TECRL: variants seen among roughly 807,000 people sequenced by gnomAD.
TECRL encodes the protein trans-2,3-enoyl-CoA reductase like.
A neutral mutation model predicts 52.8 loss-of-function variants in TECRL; 63 were observed. That is an observed-to-expected ratio of 1.19 (90% CI 0.97 to 1.47). TECRL has a LOEUF of 1.47. Among genes scored for constraint, TECRL ranks in the 40% most tolerant of loss-of-function variants. TECRL has a pLI of 0.00. For missense variants in TECRL, 482 were observed against 429.6 expected (o/e 1.12, Z -1.08); for synonymous variants, 164 against 141.9 (o/e 1.16, Z -1.10).
At chr4:64,311,067 C>A (rs1716961237) in intron 5 of TECRL, among the ~76,000 whole-genome samples, 2 of 152,134 alleles carry the variant, frequency 1.3e-5, no homozygotes, top group Admixed American at 6.6e-5. Context: ...ATCAGCATAT[C>A]ATTTACTCTA....
At position 64,392,380 on chromosome 4, in the gene TECRL, T is replaced by C. The variant is rs961942967; in HGVS notation, c.234+16738A>G. On this transcript the variant is annotated intron_variant, in intron 1 of 11. Transcript: ENST00000381210. ...ACCAACTATTTAGTCCAATCTCCTTTACATTTTCGAGATACACACAGCATA... is the reference window on the plus strand; with the variant it reads ...ACCAACTATTTAGTCCAATCTCCTTCACATTTTCGAGATACACACAGCATA... Among the ~76,000 whole-genome samples, 18 of 151,886 alleles carry C rather than the reference T, an allele frequency of 1.2e-4. 1 individual carries two copies. Among genetic ancestry groups the C allele is most frequent in the Admixed American group, 1.2e-3 (18 of 15,212 alleles).
At chr4:64,299,930 C>A (rs760209648) in intron 8 of TECRL, 44 bp downstream of exon 8, 3 of 1,298,956 alleles carry the variant, frequency 2.3e-6, no homozygotes, top group African/African-American at 3.0e-5. Flanking sequence ...CTTAATAATA[C>A]CAAAATTAGA....
intron 1 of TECRL, among the ~76,000 whole-genome samples, chr4:64,396,257 C>T (rs1277630146): frequency 2.0e-5 from 3 of 152,140 alleles, no homozygotes; most frequent in Non-Finnish European, 2.9e-5. Context: ...CTGCTTTCCT[C>T]AATGATTGAA....
At chr4:64,307,630 G>A (rs974109820) in intron 6 of TECRL, among the ~76,000 whole-genome samples, 4 of 152,046 alleles carry the variant, frequency 2.6e-5, no homozygotes, top group Admixed American at 2.6e-4. Flanking sequence ...GAACAACCTG[G>A]ATCACTGGGA....
intron 1 of TECRL, among the ~76,000 whole-genome samples, chr4:64,376,537 T>A (rs1394161341): frequency 6.6e-6 from 1 of 151,956 alleles, no homozygotes; most frequent in African/African-American, 2.4e-5. Flanking sequence ...ATTTAATTTT[T>A]AAAATATTGT....
intron 1 of TECRL, 54 bp downstream of exon 1, chr4:64,409,064 G>T: frequency 1.4e-6 from 2 of 1,382,990 alleles, no homozygotes; most frequent in East Asian, 2.5e-5. Flanking sequence ...TAATATTTGG[G>T]GCAGAGAAGA....
intron 9 of TECRL, among the ~76,000 whole-genome samples, chr4:64,285,919 G>T (rs991086918): frequency 6.6e-6 from 1 of 152,050 alleles, no homozygotes; most frequent in African/African-American, 2.4e-5. Context: ...AAGGATGTTA[G>T]AGGATGAGAA....
intron 8 of TECRL, among the ~76,000 whole-genome samples, chr4:64,296,519 A>C (rs1723691041): frequency 6.6e-6 from 1 of 151,808 alleles, no homozygotes; most frequent in African/African-American, 2.4e-5. Context: ...CATATCTTAT[A>C]TGCTATTATC....
intron 2 of TECRL, among the ~76,000 whole-genome samples, chr4:64,334,711 A>G (rs1226823087): frequency 6.6e-6 from 1 of 152,254 alleles, no homozygotes; most frequent in Non-Finnish European, 1.5e-5. Flanking sequence ...TTAAAGCTGC[A>G]CAAAATCTCT....
At chr4:64,295,527 A>G (rs1236672112) in intron 8 of TECRL, among the ~76,000 whole-genome samples, 1 of 151,486 alleles carries the variant, frequency 6.6e-6, no homozygotes, top group East Asian at 1.9e-4. Flanking sequence ...CTCATGCAAT[A>G]TTGTATAACA....
intron 2 of TECRL, among the ~76,000 whole-genome samples, chr4:64,374,064 T>TAGTAGATAC (rs1235860176): frequency 1.0e-3 from 142 of 135,882 alleles, no homozygotes; most frequent in Admixed American, 2.4e-3. Flanking sequence ...TATATATATA[T>TAGTAGATAC]ATATATATAT....
chr4:64,390,987 T>G (rs1399986972), intron 1 of TECRL, among the ~76,000 whole-genome samples: 3 of 151,856 alleles, frequency 2.0e-5, no homozygotes, highest in Admixed American at 2.0e-4. Context: ...CTACAATTAT[T>G]TCTGCATCAT....
chr4:64,285,599 T>G (rs1723039836), intron 9 of TECRL, among the ~76,000 whole-genome samples: 1 of 152,082 alleles, frequency 6.6e-6, no homozygotes, highest in African/African-American at 2.4e-5. Flanking sequence ...ACACAGGAAC[T>G]GATAAAGATT....
intron 1 of TECRL, among the ~76,000 whole-genome samples, chr4:64,401,544 T>C (rs1268070046): frequency 6.6e-6 from 1 of 152,222 alleles, no homozygotes; most frequent in Non-Finnish European, 1.5e-5. Context: ...CTTCTCAGTA[T>C]AATTTGTGTT....
chr4:64,330,917 T>C (rs1306814939), intron 2 of TECRL, among the ~76,000 whole-genome samples: 1 of 152,080 alleles, frequency 6.6e-6, no homozygotes, highest in Non-Finnish European at 1.5e-5. Flanking sequence ...GACACGCATA[T>C]AACTATTATT....
intron 1 of TECRL, among the ~76,000 whole-genome samples, chr4:64,394,842 T>C (rs1723807242): frequency 6.7e-6 from 1 of 148,300 alleles, no homozygotes; most frequent in Non-Finnish European, 1.5e-5. Context: ...CTTTAAAAGA[T>C]AAAAAAATTG....
At chr4:64,320,119 CTT>C (rs1319490269) in intron 4 of TECRL, among the ~76,000 whole-genome samples, 2 of 151,652 alleles carry the variant, frequency 1.3e-5, no homozygotes, top group African/African-American at 2.4e-5. Context: ...AACTGCATAA[CTT>C]TAATTAATTA....
At chr4:64,369,727 G>T (rs1577949038) in intron 2 of TECRL, among the ~76,000 whole-genome samples, 1 of 151,732 alleles carries the variant, frequency 6.6e-6, no homozygotes, top group South Asian at 2.1e-4. Context: ...AATTATAATT[G>T]TACCTAAATG....
At position 64,346,314 on chromosome 4, in the gene TECRL, G is replaced by A. The variant is rs565698373; in HGVS notation, c.287-17758C>T. 9.8e-5 allele frequency among the ~76,000 whole-genome samples: 15 copies of A among 152,328 alleles called. No homozygotes were observed. In the South Asian group the frequency reaches 2.5e-3, roughly 25 times the overall value. ...CAGCCCCACTAGGCAGTGCCCCAGTGAGTACTTTGTGTGGTGGCTCCGACC... is the reference window on the plus strand; with the variant it reads ...CAGCCCCACTAGGCAGTGCCCCAGTAAGTACTTTGTGTGGTGGCTCCGACC... On this transcript the variant is annotated intron_variant, in intron 2 of 11. Coordinates refer to ENST00000381210, the MANE Select transcript of TECRL (RefSeq NM_001010874.5).
Sources: gnomAD v4.1 joint callset for allele counts (sites outside exome capture counted in the v4.1 genomes callset) on GRCh38, gnomAD v4.1.1 for gene constraint, MANE v1.5 for transcripts, NCBI Gene and HGNC (gene_info 2026-07-23, HGNC 2026-07-21) for gene names.